Variants in PPP2R2B observed in about 807,000 individuals in gnomAD.
PPP2R2B encodes the protein serine/threonine-protein phosphatase 2A 55 kDa regulatory subunit B beta isoform.
PPP2R2B carries 5 observed loss-of-function variants against 46.0 expected under a neutral mutation model. That is an observed-to-expected ratio of 0.11 (90% CI 0.06 to 0.23). PPP2R2B has a LOEUF of 0.23. PPP2R2B is among the 10% of genes least tolerant of loss of function. The pLI, the probability that PPP2R2B is intolerant of heterozygous loss-of-function variation, is 1.00. For synonymous variants in PPP2R2B, 215 were observed against 206.7 expected (o/e 1.04, Z -0.34); for missense variants, 367 against 575.0 (o/e 0.64, Z 3.70).
intron 1 of PPP2R2B, among the ~76,000 whole-genome samples, chr5:147,005,798 A>T (rs1008711955): frequency 7.2e-5 from 10 of 138,978 alleles, no homozygotes; most frequent in Admixed American, 6.8e-4. Flanking sequence ...AGAGAGAGAC[A>T]GACAAAGAAG....
At chr5:146,595,182 C>T (rs1771050560) in intron 8 of PPP2R2B, among the ~76,000 whole-genome samples, 1 of 152,342 alleles carries the variant, frequency 6.6e-6, no homozygotes, top group Admixed American at 6.5e-5. Context: ...AATACCCCTA[C>T]AGCAGTGCTC....
rs556263442 is a variant in PPP2R2B at position 146,871,199 on chromosome 5, G to A, written c.70+6803C>T. ...AATGGAAGATGAGGGGAACCAGCTGGAGAGCCACTCTGGCCAAAGTGAAGC... is the reference window on the plus strand; with the variant it reads ...AATGGAAGATGAGGGGAACCAGCTGAAGAGCCACTCTGGCCAAAGTGAAGC... On this transcript the variant is annotated intron_variant, in intron 2 of 9. Transcript: ENST00000394411. Among the ~76,000 whole-genome samples the A allele has an allele frequency of 4.6e-5, 7 of 152,288 alleles. No individual in the cohort carries two copies. The South Asian group carries it at 1.5e-3, about 32-fold the overall frequency.
At chr5:146,798,187 G>T (rs763864334) in intron 2 of PPP2R2B, among the ~76,000 whole-genome samples, 5 of 151,942 alleles carry the variant, frequency 3.3e-5, no homozygotes, top group African/African-American at 4.8e-5. Flanking sequence ...AGGCAAATTG[G>T]CCCTTTCCTT....
chr5:146,807,979 T>G (rs1057051632), intron 2 of PPP2R2B, among the ~76,000 whole-genome samples: 7 of 151,638 alleles, frequency 4.6e-5, no homozygotes, highest in African/African-American at 1.7e-4. Context: ...TTTTGTATTT[T>G]TAGTAGAGAC....
At chr5:146,714,094 A>T (rs902048284) in intron 2 of PPP2R2B, among the ~76,000 whole-genome samples, 5 of 152,274 alleles carry the variant, frequency 3.3e-5, no homozygotes, top group Admixed American at 3.3e-4. Context: ...ACAGAAGAAG[A>T]AAATCCAGGG....
At chr5:147,002,773 G>A (rs538198647) in intron 1 of PPP2R2B, among the ~76,000 whole-genome samples, 1 of 148,810 alleles carries the variant, frequency 6.7e-6, no homozygotes, top group East Asian at 1.9e-4. Flanking sequence ...TTCTGCTGCT[G>A]CATTGGTAAG....
At chr5:147,043,195 T>C (rs1211461725) in intron 1 of PPP2R2B, among the ~76,000 whole-genome samples, 1 of 151,984 alleles carries the variant, frequency 6.6e-6, no homozygotes, top group Non-Finnish European at 1.5e-5. Context: ...GCTTGAGAAT[T>C]GGGGCAAAGA....
chr5:147,061,537 TA>T (rs1250685020), intron 2 of PPP2R2B, among the ~76,000 whole-genome samples: 8 of 152,184 alleles, frequency 5.3e-5, no homozygotes, highest in Admixed American at 3.9e-4. Flanking sequence ...GGACACAGGG[TA>T]TGTTGTCTTT....
intron 2 of PPP2R2B, among the ~76,000 whole-genome samples, chr5:146,723,031 T>C (rs1204136869): frequency 6.6e-6 from 1 of 152,310 alleles, no homozygotes; most frequent in African/African-American, 2.4e-5. Context: ...CTCCAGGAAG[T>C]CTTCCTTGAC....
chr5:146,615,551 C>T (rs1189628537), intron 7 of PPP2R2B, among the ~76,000 whole-genome samples: 1 of 122,478 alleles, frequency 8.2e-6, no homozygotes, highest in Non-Finnish European at 1.8e-5. Context: ...ACTATTAGAA[C>T]TGAAAACAAA....
At chr5:146,638,189 C>T in intron 7 of PPP2R2B, 62 bp downstream of exon 7, 2 of 1,532,238 alleles carry the variant, frequency 1.3e-6, no homozygotes, top group Non-Finnish European at 1.8e-6. Context: ...AGCTTCCAGG[C>T]TCTCCCCCAG....
chr5:146,840,430 G>C (rs1441885616), intron 2 of PPP2R2B, among the ~76,000 whole-genome samples: 3 of 152,146 alleles, frequency 2.0e-5, no homozygotes, highest in Non-Finnish European at 4.4e-5. Context: ...GCATATAGTA[G>C]TTGCTTAATA....
At chr5:146,806,749 C>T (rs535867857) in intron 2 of PPP2R2B, among the ~76,000 whole-genome samples, 32 of 152,360 alleles carry the variant, frequency 2.1e-4, no homozygotes, top group African/African-American at 7.7e-4. Flanking sequence ...GGAGTAATCT[C>T]TGCCCTTTTT....
At chr5:146,633,017 G>A (rs912770654) in intron 7 of PPP2R2B, among the ~76,000 whole-genome samples, 4 of 152,074 alleles carry the variant, frequency 2.6e-5, no homozygotes, top group Admixed American at 6.5e-5. Context: ...CCCAGCCACC[G>A]ATACTCATGC....
intron 2 of PPP2R2B, among the ~76,000 whole-genome samples, chr5:147,078,861 G>C (rs1757882152): frequency 6.6e-6 from 1 of 150,766 alleles, no homozygotes; most frequent in Non-Finnish European, 1.5e-5. Flanking sequence ...CTCTAACTTA[G>C]TAGCTCTTGG....
At chr5:147,020,882 A>G (rs1755228690) in intron 1 of PPP2R2B, among the ~76,000 whole-genome samples, 1 of 152,198 alleles carries the variant, frequency 6.6e-6, no homozygotes. Flanking sequence ...AGGGCTTAGG[A>G]AAGTATTTTA....
intron 2 of PPP2R2B, among the ~76,000 whole-genome samples, chr5:146,704,515 T>C (rs558943338): frequency 6.6e-6 from 1 of 152,334 alleles, no homozygotes; most frequent in African/African-American, 2.4e-5. Context: ...TTTTCCTCTG[T>C]TGTATATAGA....
rs565607875 is a variant in PPP2R2B at position 147,041,736 on chromosome 5, T to C, written c.79+13929A>G. On this transcript the variant is annotated intron_variant, in intron 1 of 8. Coordinates refer to the PPP2R2B transcript ENST00000336640. The stretch of plus-strand genomic sequence containing the variant: ...TCCCCAGATCTTCATTTTCTTTATT[T>C]TTATTATTTGCTTTTTATTCATTTG... 3.3e-5 allele frequency among the ~76,000 whole-genome samples: 5 copies of C among 152,264 alleles called. No homozygotes were observed. In the South Asian group the frequency reaches 1.0e-3, roughly 32 times the overall value.
At chr5:146,709,967 C>T (rs1281056476) in intron 2 of PPP2R2B, among the ~76,000 whole-genome samples, 1 of 152,188 alleles carries the variant, frequency 6.6e-6, no homozygotes, top group Non-Finnish European at 1.5e-5. Flanking sequence ...TGGAAACTCC[C>T]TTGCCTTACA....
Sources: gnomAD v4.1 joint callset for allele counts (sites outside exome capture counted in the v4.1 genomes callset) on GRCh38, gnomAD v4.1.1 for gene constraint, MANE v1.5 for transcripts, NCBI Gene and HGNC (gene_info 2026-07-23, HGNC 2026-07-21) for gene names.